The following PHF14 variants were observed in gnomAD, a reference collection of about 807,000 sequenced individuals.
PHF14 encodes PHD finger protein 14.
A neutral mutation model predicts 117.9 loss-of-function variants in PHF14; 55 were observed. The ratio of observed to expected loss-of-function variants is 0.47; its 90% confidence interval spans 0.38 to 0.58. The LOEUF (loss-of-function observed/expected upper bound fraction) is 0.58, where lower values mean the gene tolerates loss of function less well. Among genes scored for constraint, PHF14 ranks in the 20% least tolerant of loss-of-function variants. The pLI is 0.00. For missense variants in PHF14, 978 were observed against 1,122.2 expected, an observed-to-expected ratio of 0.87 and a Z score of 1.84; for synonymous variants, 409 against 368.6, an observed-to-expected ratio of 1.11 and a Z score of -1.26.
At chr7:10,987,877 G>A (rs370392657) in intron 3 of PHF14, among the ~76,000 whole-genome samples, 19 of 151,706 alleles carry the variant, frequency 1.3e-4, no homozygotes, top group African/African-American at 4.1e-4. Context: ...CTAGCTGGGC[G>A]TGGTGGTACA....
At chr7:11,028,855 C>T (rs764860677) in intron 7 of PHF14, 37 bp downstream of exon 7, 2 of 1,575,242 alleles carry the variant, frequency 1.3e-6, no homozygotes, top group African/African-American at 2.7e-5. Context: ...TGAACATGTT[C>T]ACAAGATATC....
At chr7:11,079,565 A>T (rs956000199) in intron 16 of PHF14, among the ~76,000 whole-genome samples, 1 of 152,138 alleles carries the variant, frequency 6.6e-6, no homozygotes, top group Non-Finnish European at 1.5e-5. Context: ...AAATGATTTA[A>T]TGTTGGCATT....
intron 16 of PHF14, among the ~76,000 whole-genome samples, chr7:11,069,593 A>C (rs1032965533): frequency 6.7e-6 from 1 of 149,056 alleles, no homozygotes; most frequent in African/African-American, 2.5e-5. Context: ...ATTCTCTGTG[A>C]ACGTATTCCC....
intron 4 of PHF14, among the ~76,000 whole-genome samples, chr7:10,994,403 C>A (rs1466700083): frequency 6.6e-6 from 1 of 152,190 alleles, no homozygotes; most frequent in Non-Finnish European, 1.5e-5. Flanking sequence ...CGAGCCACTG[C>A]ACTCCAGTCT....
At chr7:10,985,900 G>A (rs1249430464) in intron 3 of PHF14, among the ~76,000 whole-genome samples, 2 of 151,918 alleles carry the variant, frequency 1.3e-5, no homozygotes, top group Non-Finnish European at 1.5e-5. Flanking sequence ...TGATCCACCT[G>A]CCTTGGCCTC....
chr7:11,016,859 A>G (rs1319223264), intron 5 of PHF14, among the ~76,000 whole-genome samples: 1 of 152,050 alleles, frequency 6.6e-6, no homozygotes, highest in African/African-American at 2.4e-5. Flanking sequence ...TCGACTCATT[A>G]ACCATCTCCC....
chr7:11,158,132 T>C (rs1453177380), intron 17 of PHF14, among the ~76,000 whole-genome samples: 2 of 152,180 alleles, frequency 1.3e-5, no homozygotes, highest in Admixed American at 1.3e-4. Context: ...ATTTGTATTT[T>C]ACCAGTTTTG....
At chr7:11,076,209 A>T (rs2128334861) in intron 16 of PHF14, among the ~76,000 whole-genome samples, 1 of 152,352 alleles carries the variant, frequency 6.6e-6, no homozygotes, top group Non-Finnish European at 1.5e-5. Flanking sequence ...TAACCTCTAT[A>T]GTCTCAGCAT....
intron 17 of PHF14, among the ~76,000 whole-genome samples, chr7:11,132,258 C>G (rs1366651552): frequency 1.3e-5 from 2 of 150,952 alleles, no homozygotes; most frequent in Non-Finnish European, 3.0e-5. Context: ...TGCCCATTTT[C>G]TTCCCACTGA....
intron 16 of PHF14, among the ~76,000 whole-genome samples, chr7:11,100,500 AATG>A (rs1312291142): frequency 6.6e-6 from 1 of 151,980 alleles, no homozygotes; most frequent in Non-Finnish European, 1.5e-5. Context: ...TATATATTTA[AATG>A]ATATTATGTA....
Position 11,051,783 on chromosome 7 carries a change from A to C in PHF14, c.2481+3A>C. Reference sequence around the variant, plus strand: ...AGAAGATTCCGATAAGAAACACGGTAGTTTATTTTTTATTTATCATAAGCA... The same window carrying C: ...AGAAGATTCCGATAAGAAACACGGTCGTTTATTTTTTATTTATCATAAGCA... On this transcript the variant is annotated splice_donor_region_variant and intron_variant, in intron 14 of 17. Transcript: ENST00000634607. The C allele has an allele frequency of 1.9e-6, 3 of 1,611,948 alleles. No homozygotes were observed. The highest frequency in any genetic ancestry group is 2.5e-6 in the Non-Finnish European group (3 of 1,178,760).
intron 16 of PHF14, among the ~76,000 whole-genome samples, chr7:11,094,102 C>T (rs1027936301): frequency 2.6e-4 from 39 of 152,152 alleles, no homozygotes; most frequent in African/African-American, 9.2e-4. Context: ...CTCCCCTTCT[C>T]CAGGTCTACA....
chr7:11,104,086 G>C, intron 16 of PHF14: 1 of 984,714 alleles, frequency 1.0e-6, no homozygotes, highest in Non-Finnish European at 1.2e-6. Flanking sequence ...TTAATATTTA[G>C]TGAGAAATTA....
intron 14 of PHF14, among the ~76,000 whole-genome samples, chr7:11,059,384 A>G (rs1240409931): frequency 6.6e-6 from 1 of 152,234 alleles, no homozygotes; most frequent in Non-Finnish European, 1.5e-5. Flanking sequence ...AATGTATGGA[A>G]GTCTTTTGCA....
chr7:11,001,608 T>TTTTGTTAGACTTATATCTAAG (rs145893746), intron 4 of PHF14, among the ~76,000 whole-genome samples: 1 of 151,808 alleles, frequency 6.6e-6, no homozygotes. Flanking sequence ...CTTGGCAATA[T>TTTTGTTAGACTTATATCTAAG]TATTTTATTT....
chr7:11,074,330 C>T (rs1261484440), intron 16 of PHF14, among the ~76,000 whole-genome samples: 1 of 151,878 alleles, frequency 6.6e-6, no homozygotes. Flanking sequence ...CCTGCCTCAG[C>T]CTCCTGAGTA....
At chr7:10,984,354 T>C (rs568783397) in intron 3 of PHF14, among the ~76,000 whole-genome samples, 15 of 152,166 alleles carry the variant, frequency 9.9e-5, no homozygotes, top group Non-Finnish European at 2.1e-4. Context: ...CAATATTTTA[T>C]ATGAAAAAAT....
chr7:11,071,146 G>A (rs1488711093), intron 16 of PHF14: 2 of 368,288 alleles, frequency 5.4e-6, no homozygotes, highest in Non-Finnish European at 1.1e-5. Context: ...GTAATTTTAA[G>A]CAAGTCACTT....
intron 4 of PHF14, among the ~76,000 whole-genome samples, chr7:11,004,158 G>A (rs1434182785): frequency 6.7e-6 from 1 of 148,616 alleles, no homozygotes; most frequent in African/African-American, 2.5e-5. Flanking sequence ...TGAGGCAGAG[G>A]ATCGCTTGAG....
Sources: allele counts gnomAD v4.1 joint callset (sites outside exome capture counted in the v4.1 genomes callset), GRCh38; gene constraint gnomAD v4.1.1; transcripts MANE v1.5; gene names NCBI Gene and HGNC (gene_info 2026-07-23, HGNC 2026-07-21).